The following GMEB1 variants were observed in gnomAD, a reference collection of about 807,000 sequenced individuals.
The protein encoded by GMEB1 is glucocorticoid modulatory element-binding protein 1.
A neutral mutation model predicts 52.4 loss-of-function variants in GMEB1; 6 were observed. The observed-to-expected ratio is 0.11, with a 90% CI of 0.06 to 0.23. GMEB1 has a LOEUF of 0.23. GMEB1 is among the 10% of genes least tolerant of loss of function. The pLI is 1.00. For synonymous variants in GMEB1, 255 were observed against 244.9 expected, an observed-to-expected ratio of 1.04 and a Z score of -0.38; for missense variants, 486 against 685.6, an observed-to-expected ratio of 0.71 and a Z score of 3.25.
chr1:28,705,352 C>T (rs1156923342), intron 8 of GMEB1, among the ~76,000 whole-genome samples: 1 of 151,626 alleles, frequency 6.6e-6, no homozygotes, highest in East Asian at 1.9e-4. Flanking sequence ...CAAGGTTATG[C>T]CACTGCCCAC....
At chr1:28,674,128 T>C (rs979858589) in intron 1 of GMEB1, among the ~76,000 whole-genome samples, 92 of 147,968 alleles carry the variant, frequency 6.2e-4, no homozygotes, top group African/African-American at 2.2e-3. Context: ...CCAGCCTGGG[T>C]GACAGAGCGA....
chr1:28,675,079 TC>T, intron 1 of GMEB1, among the ~76,000 whole-genome samples: 1 of 115,140 alleles, frequency 8.7e-6, no homozygotes, highest in African/African-American at 3.3e-5. Context: ...GTGCAGTGGC[TC>T]CATCTTGGCT....
At chr1:28,682,928 C>T (rs1341039071) in intron 1 of GMEB1, among the ~76,000 whole-genome samples, 2 of 152,136 alleles carry the variant, frequency 1.3e-5, no homozygotes, top group African/African-American at 4.8e-5. Context: ...CTGTTTACGC[C>T]CAGCATCGCT....
intron 8 of GMEB1, among the ~76,000 whole-genome samples, chr1:28,708,088 A>G (rs1317187960): frequency 6.6e-6 from 1 of 152,026 alleles, no homozygotes; most frequent in East Asian, 1.9e-4. Flanking sequence ...TTGTAGAGAC[A>G]GGGTTTTGCC....
chr1:28,686,046 G>A (rs1669626420), intron 2 of GMEB1, among the ~76,000 whole-genome samples: 1 of 152,134 alleles, frequency 6.6e-6, no homozygotes, highest in South Asian at 2.1e-4. Flanking sequence ...TTTACTGGTT[G>A]TTGAAATTAC....
chr1:28,678,971 C>T (rs1557497494), intron 1 of GMEB1, among the ~76,000 whole-genome samples: 1 of 152,028 alleles, frequency 6.6e-6, no homozygotes, highest in Non-Finnish European at 1.5e-5. Flanking sequence ...AGTGCAGTGC[C>T]GTGATCTTGG....
Position 28,714,279 on chromosome 1 carries a change from A to G in GMEB1, c.1198A>G (p.Ile400Val), listed in dbSNP as rs1391062663. 1 of 1,613,932 alleles carries G rather than the reference A, an allele frequency of 6.2e-7. No individual in the cohort carries two copies. The highest frequency in any genetic ancestry group is 2.2e-5 in the East Asian group (1 of 44,892). Residue 400 changes from isoleucine (I) to valine (V), a missense_variant, in exon 10 of 10, where the codon ATC becomes GTC. Ile to Val is a conservative substitution (Grantham distance 29, BLOSUM62 3). Around this residue, in one of 5 missense-constraint regions of GMEB1, gnomAD observed 2 missense variants for 17.4 expected, o/e 0.12. Coordinates refer to ENST00000373816, the MANE Select transcript of GMEB1 (RefSeq NM_001319674.2). The part of the protein sequence containing the change: ...PQFTVISPIT[I>V]TPVGQSFSMG... ...GTTCACAGTCATCTCACCCATCACC[A>G]TCACCCCAGTGGGTCAGTCATTTTC...
chr1:28,670,473 G>A (rs1404234939), intron 1 of GMEB1, among the ~76,000 whole-genome samples: 1 of 152,064 alleles, frequency 6.6e-6, no homozygotes, highest in Non-Finnish European at 1.5e-5. Flanking sequence ...GGCTACAGGC[G>A]CCCGCCACCA....
At position 28,696,823 on chromosome 1, in the gene GMEB1, C is replaced by G. The variant is rs374267285; in HGVS notation, c.441-104C>G. ...TCTAACACTATTAGGTTTCACTAATCTACACAGTAGGCTCAGCAGTGTTGT... is the reference window on the plus strand; with the variant it reads ...TCTAACACTATTAGGTTTCACTAATGTACACAGTAGGCTCAGCAGTGTTGT... On this transcript the variant is annotated intron_variant, in intron 5 of 9. Transcript: ENST00000373816. 1.2e-4 allele frequency: 104 copies of G among 852,384 alleles called. 1 individual carries two copies. In the South Asian group the frequency reaches 1.6e-3, roughly 13 times the overall value. The allele number at this position is 852,384 out of a possible 1,614,324, so 52.8% of individuals were successfully genotyped here.
intron 1 of GMEB1, among the ~76,000 whole-genome samples, chr1:28,672,044 G>A (rs1174779666): frequency 6.7e-6 from 1 of 150,086 alleles, no homozygotes; most frequent in African/African-American, 2.4e-5. Context: ...CTTGGGAGGC[G>A]GAAGTTGCAG....
chr1:28,688,711 C>T (rs191506372), intron 2 of GMEB1, among the ~76,000 whole-genome samples: 1 of 151,780 alleles, frequency 6.6e-6, no homozygotes, highest in South Asian at 2.1e-4. Flanking sequence ...CAAACACCCC[C>T]CCACCACCCA....
intron 7 of GMEB1, 133 bp from the exon 8 acceptor site, chr1:28,704,058 TC>T (rs1670636340): frequency 2.5e-6 from 2 of 808,228 alleles, no homozygotes; most frequent in Admixed American, 6.1e-5. Context: ...CAAAGCTTAT[TC>T]CCTTTTTTCA....
rs1447056402 is a variant in GMEB1, at chr1:28,714,366, C to T, written c.1285C>T (p.Leu429=). 6.2e-7 allele frequency: 1 copy of T among 1,614,252 alleles called. No homozygotes were observed. The highest frequency in any genetic ancestry group is 1.1e-5 in the South Asian group (1 of 91,088). The change falls in exon 10 of 10, where the codon CTG becomes TTG. Residue 429 remains leucine (L), a synonymous_variant. Coordinates refer to ENST00000373816, the MANE Select transcript of GMEB1 (RefSeq NM_001319674.2). ...CTCCAGTCCTGTGACTGTCCACACA[C>T]TGCCTTCTGGCCCTCAGCTCTTCCG... ...QGSSPVTVHT[L]PSGPQLFRYA...
At position 28,676,993 on chromosome 1, in the gene GMEB1, G is replaced by A. The variant is rs965831609; in HGVS notation, c.-30-6590G>A. Among the ~76,000 whole-genome samples the A allele has an allele frequency of 2.0e-5, 3 of 152,262 alleles. No homozygotes were observed. The East Asian group carries it at 5.8e-4, about 29-fold the overall frequency. The stretch of plus-strand genomic sequence containing the variant: ...CACTTGAACCCAGGAGGCAGAGGTT[G>A]CAGTGAGCTGAAATTGCATCACTGA... On this transcript the variant is annotated intron_variant, in intron 1 of 9. Transcript: ENST00000373816.
chr1:28,707,446 A>G (rs570766921), intron 8 of GMEB1, among the ~76,000 whole-genome samples: 81 of 152,244 alleles, frequency 5.3e-4, no homozygotes, highest in Non-Finnish European at 8.4e-4. Flanking sequence ...TGTATCATGG[A>G]TTAGAGTGGG....
intron 1 of GMEB1, among the ~76,000 whole-genome samples, chr1:28,670,659 G>C (rs746578054): frequency 3.3e-5 from 5 of 151,790 alleles, no homozygotes; most frequent in Non-Finnish European, 5.9e-5. Flanking sequence ...GTTTTTAGTA[G>C]AGACGGGGTT....
chr1:28,685,101 A>G (rs1669577060), intron 2 of GMEB1, among the ~76,000 whole-genome samples: 1 of 152,188 alleles, frequency 6.6e-6, no homozygotes, highest in Non-Finnish European at 1.5e-5. Flanking sequence ...CAACGACCAT[A>G]AATTCTCTGA....
intron 1 of GMEB1, among the ~76,000 whole-genome samples, chr1:28,678,162 C>T (rs1669238110): frequency 6.7e-6 from 1 of 150,308 alleles, no homozygotes; most frequent in Non-Finnish European, 1.5e-5. Context: ...GCACTCCAGC[C>T]TGGGGTATAA....
intron 3 of GMEB1, 23 bp downstream of exon 3, chr1:28,690,209 T>TTG: frequency 1.9e-6 from 2 of 1,053,556 alleles, no homozygotes; most frequent in Admixed American, 4.9e-5. Flanking sequence ...TTGTGTTTTT[T>TTG]TTTTTTTTTT....
Sources: gnomAD v4.1 joint callset for allele counts (sites outside exome capture counted in the v4.1 genomes callset) on GRCh38, gnomAD v4.1.1 for gene constraint, gnomAD v4.1.1 regional missense constraint, MANE v1.5 for transcripts, NCBI Gene and HGNC (gene_info 2026-07-23, HGNC 2026-07-21) for gene names.